ATP6V0A4: variants seen among roughly 807,000 people sequenced by gnomAD.
ATP6V0A4 encodes ATPase H+ transporting V0 subunit a4.
In ATP6V0A4, 86 loss-of-function variants were observed where a neutral mutation model predicts 107.3. That is an observed-to-expected ratio of 0.80 (90% CI 0.67 to 0.96). The LOEUF is 0.96. ATP6V0A4 is among the 40% of genes least tolerant of loss of function. The probability of loss-of-function intolerance (pLI) is 0.00; values close to 1 mark genes in which losing one functional copy is unlikely to be tolerated. For missense variants in ATP6V0A4, 908 were observed against 1,045.6 expected (o/e 0.87, Z 1.81); for synonymous variants, 353 against 381.4 (o/e 0.93, Z 0.87).
At chr7:138,746,005 T>TATATATTTATAATATAATATATATATAAA (rs1367562666) in intron 13 of ATP6V0A4, among the ~76,000 whole-genome samples, 1 of 103,982 alleles carries the variant, frequency 9.6e-6, no homozygotes, top group African/African-American at 4.3e-5. Context: ...ATATAAATAA[T>TATATATTTATAATATAATATATATATAAA]ATATATATTT....
intron 21 of ATP6V0A4, among the ~76,000 whole-genome samples, chr7:138,709,203 T>C (rs1803605656): frequency 8.0e-6 from 1 of 124,924 alleles, no homozygotes; most frequent in Admixed American, 9.4e-5. Flanking sequence ...AGTGAGAGCC[T>C]GTCTCAAAAA....
At chr7:138,713,013 G>A (rs1230981484) in intron 20 of ATP6V0A4, among the ~76,000 whole-genome samples, 9 of 152,196 alleles carry the variant, frequency 5.9e-5, no homozygotes, top group South Asian at 2.1e-4. Context: ...ACATGCGGCC[G>A]GGCGCGGTGG....
intron 7 of ATP6V0A4, among the ~76,000 whole-genome samples, chr7:138,760,877 A>G (rs1351723537): frequency 6.6e-6 from 1 of 152,152 alleles, no homozygotes; most frequent in Non-Finnish European, 1.5e-5. Flanking sequence ...ACAAAATCCT[A>G]CCATTTTGAA....
At chr7:138,770,250 A>AGG in intron 3 of ATP6V0A4, among the ~76,000 whole-genome samples, 2 of 151,230 alleles carry the variant, frequency 1.3e-5, no homozygotes, top group African/African-American at 4.9e-5. Flanking sequence ...AGGAAGGAAG[A>AGG]GAGGGAGGGG....
In ATP6V0A4 at chr7:138,737,108, CCT is replaced by C. The variant is rs1805363874; in HGVS notation, c.1572+2430_1572+2431del. The stretch of plus-strand genomic sequence containing the variant: ...AATTTGTGTTATGTAAAAAGTAAGC[CCT>C]TATTAATATATATATATGATACAAA... On this transcript the variant is annotated intron_variant, in intron 15 of 21. Transcript: ENST00000310018. Among the ~76,000 whole-genome samples, 3 of 46,188 alleles carry C rather than the reference CCT, an allele frequency of 6.5e-5. 1 individual carries two copies. The Admixed American group carries it at 8.7e-4, about 13-fold the overall frequency. The allele number at this position is 46,188 out of a possible 152,430, so 30.3% of individuals were successfully genotyped here.
chr7:138,733,194 T>G, intron 16 of ATP6V0A4, 101 bp from the exon 17 acceptor site: 1 of 1,525,626 alleles, frequency 6.6e-7, no homozygotes, highest in South Asian at 1.3e-5. Flanking sequence ...GTTCTATCTT[T>G]TTTTTTTTTG....
chr7:138,716,374 C>T (rs1311608295), intron 19 of ATP6V0A4, among the ~76,000 whole-genome samples: 1 of 151,760 alleles, frequency 6.6e-6, no homozygotes, highest in African/African-American at 2.4e-5. Context: ...GAAGAAACAA[C>T]CTGGATTCAG....
chr7:138,766,977 A>G lies in ATP6V0A4; in HGVS notation c.291+1803T>C, dbSNP rs730197. 8.7e-3 allele frequency among the ~76,000 whole-genome samples: 1,319 copies of G among 152,304 alleles called. 28 individuals are homozygous for G. The highest frequency in any genetic ancestry group is 0.03 in the African/African-American group (1,226 of 41,556). On this transcript the variant is annotated intron_variant, in intron 5 of 21. Coordinates refer to ENST00000310018, the MANE Select transcript of ATP6V0A4 (RefSeq NM_020632.3). ...GGCTGGATTATCTTCCTCTCCTTCA[A>G]TAAAAACAGCACATCACCAACAGAT...
At chr7:138,751,813 C>A (rs1806240957) in intron 11 of ATP6V0A4, among the ~76,000 whole-genome samples, 1 of 152,022 alleles carries the variant, frequency 6.6e-6, no homozygotes, top group Non-Finnish European at 1.5e-5. Flanking sequence ...TAGACTATAA[C>A]CTCCATGAGG....
intron 2 of ATP6V0A4, among the ~76,000 whole-genome samples, chr7:138,782,417 T>A (rs1461348656): frequency 6.6e-6 from 1 of 152,202 alleles, no homozygotes; most frequent in Non-Finnish European, 1.5e-5. Flanking sequence ...GCAAAGACCC[T>A]GTTTCCAAAT....
chr7:138,723,396 G>T (rs1366199055), intron 18 of ATP6V0A4, among the ~76,000 whole-genome samples: 1 of 152,106 alleles, frequency 6.6e-6, no homozygotes, highest in Non-Finnish European at 1.5e-5. Flanking sequence ...ACCCCTAAGT[G>T]TGAATGGTAT....
At chr7:138,727,206 G>A (rs1272006247) in intron 18 of ATP6V0A4, among the ~76,000 whole-genome samples, 1 of 151,926 alleles carries the variant, frequency 6.6e-6, no homozygotes, top group Admixed American at 6.6e-5. Context: ...TTGAGCCCGG[G>A]AGTCGGAGGC....
At chr7:138,772,751 T>C (rs1334024448) in intron 2 of ATP6V0A4, among the ~76,000 whole-genome samples, 13 of 152,280 alleles carry the variant, frequency 8.5e-5, no homozygotes, top group Non-Finnish European at 1.6e-4. Flanking sequence ...ATCAGAGGCC[T>C]CCCAGCAGCG....
At chr7:138,762,790 T>G in intron 6 of ATP6V0A4, 110 bp downstream of exon 6, 1 of 1,302,828 alleles carries the variant, frequency 7.7e-7, no homozygotes, top group Non-Finnish European at 1.1e-6. Context: ...GGCCTAGCCA[T>G]GGAACAGAAA....
At chr7:138,772,634 G>C (rs2122665) in intron 2 of ATP6V0A4, among the ~76,000 whole-genome samples, 106,037 of 152,024 alleles carry the variant, frequency 0.7, 37,245 homozygotes, top group Middle Eastern at 0.78. Flanking sequence ...CCACCATACT[G>C]TAACAGATGC....
At chr7:138,771,360 G>GA (rs1001891123) in intron 2 of ATP6V0A4, 96 bp from the exon 3 acceptor site, 60 of 1,341,308 alleles carry the variant, frequency 4.5e-5, no homozygotes, top group South Asian at 2.4e-4. Flanking sequence ...ATCTAACAGG[G>GA]AAAAAAAATC....
intron 10 of ATP6V0A4, among the ~76,000 whole-genome samples, chr7:138,755,345 T>G (rs1376086124): frequency 6.6e-6 from 1 of 152,170 alleles, no homozygotes; most frequent in African/African-American, 2.4e-5. Context: ...TCAAACTGGT[T>G]GTTCAACTTA....
At chr7:138,707,999 C>T (rs552864087) in intron 21 of ATP6V0A4, among the ~76,000 whole-genome samples, 18 of 151,056 alleles carry the variant, frequency 1.2e-4, no homozygotes, top group African/African-American at 3.9e-4. Flanking sequence ...GATACCATGT[C>T]GGATGATTTA....
intron 17 of ATP6V0A4, 148 bp from the exon 18 acceptor site, chr7:138,729,010 CT>C: frequency 6.8e-7 from 1 of 1,465,918 alleles, no homozygotes; most frequent in Non-Finnish European, 9.2e-7. Flanking sequence ...ACCTTCACGC[CT>C]GGAATATTCC....
Sources: gnomAD v4.1 joint callset for allele counts (sites outside exome capture counted in the v4.1 genomes callset) on GRCh38, gnomAD v4.1.1 for gene constraint, MANE v1.5 for transcripts, NCBI Gene and HGNC (gene_info 2026-07-23, HGNC 2026-07-21) for gene names.